The following PCDHA4 variants were observed in gnomAD, a reference collection of about 807,000 sequenced individuals.
PCDHA4 encodes protocadherin alpha-4.
Under a neutral mutation model 61.4 loss-of-function variants are expected in PCDHA4, and 49 were observed. That is an observed-to-expected ratio of 0.80 (90% CI 0.63 to 1.01). The LOEUF (loss-of-function observed/expected upper bound fraction) is 1.01, where lower values mean the gene tolerates loss of function less well. Ranked by LOEUF, PCDHA4 falls within the 50% of genes least tolerant of loss-of-function variation. The pLI is 0.00. For missense variants in PCDHA4, 1,254 were observed against 1,235.8 expected, an observed-to-expected ratio of 1.01 and a Z score of -0.22; for synonymous variants, 590 against 550.3, an observed-to-expected ratio of 1.07 and a Z score of -1.01.
chr5:140,807,684 C>A lies in PCDHA4; in HGVS notation c.497C>A (p.Ala166Asp), dbSNP rs782583674. The A allele has an allele frequency of 1.9e-6, 3 of 1,614,118 alleles. No homozygotes were observed. The highest frequency in any genetic ancestry group is 2.5e-6 in the Non-Finnish European group (3 of 1,180,050). The change falls in exon 1 of 4, where the codon GCC (alanine) becomes GAC (aspartate). Residue 166 changes from alanine to aspartate, a missense_variant. Physicochemically the swap from Ala to Asp is moderately radical, Grantham distance 126. Transcript: ENST00000530339. ...TCGGATGCAGATATCGGGGAGAACG[C>A]CCTGCTCACTTACAGACTGAGCCCA... ...GASDADIGEN[A>D]LLTYRLSPNE...
At chr5:140,950,746 T>C (rs2094515579) in intron 1 of PCDHA4, among the ~76,000 whole-genome samples, 1 of 152,138 alleles carries the variant, frequency 6.6e-6, no homozygotes, top group Non-Finnish European at 1.5e-5. Context: ...AATTTCTCTC[T>C]ATCCTTTCTG....
At chr5:140,876,251 G>T in intron 1 of PCDHA4, 1 of 1,614,008 alleles carries the variant, frequency 6.2e-7, no homozygotes, top group South Asian at 1.1e-5. Context: ...AACGACACAA[G>T]AGTGATCCAA....
At chr5:141,001,220 G>T (rs1554258038) in intron 3 of PCDHA4, among the ~76,000 whole-genome samples, 1 of 152,116 alleles carries the variant, frequency 6.6e-6, no homozygotes, top group African/African-American at 2.4e-5. Flanking sequence ...TATAAGGATA[G>T]TTACATTTAA....
At chr5:140,855,766 C>T in intron 1 of PCDHA4, 2 of 379,872 alleles carry the variant, frequency 5.3e-6, no homozygotes, top group South Asian at 9.3e-5. Flanking sequence ...AGTCCATAGA[C>T]ATAAAAATAC....
At chr5:140,823,574 C>A in intron 1 of PCDHA4, 1 of 1,613,944 alleles carries the variant, frequency 6.2e-7, no homozygotes, top group South Asian at 1.1e-5. Flanking sequence ...GACCCTGATT[C>A]GGGCTACAAC....
chr5:140,915,960 G>A (rs1554197207), intron 1 of PCDHA4, among the ~76,000 whole-genome samples: 1 of 152,112 alleles, frequency 6.6e-6, no homozygotes, highest in Admixed American at 6.5e-5. Flanking sequence ...TTAGAAATTT[G>A]CCTGATATTT....
intron 1 of PCDHA4, chr5:140,877,670 C>A: frequency 6.2e-7 from 1 of 1,613,654 alleles, no homozygotes; most frequent in Non-Finnish European, 8.5e-7. Flanking sequence ...AGCCGGTGCG[C>A]GCCGGGCAAG....
At chr5:140,984,631 T>C (rs1400847452) in intron 3 of PCDHA4, among the ~76,000 whole-genome samples, 1 of 152,192 alleles carries the variant, frequency 6.6e-6, no homozygotes, top group Non-Finnish European at 1.5e-5. Flanking sequence ...TTAAAGGGAT[T>C]CTCTGCCTTC....
chr5:140,808,935 G>A lies in PCDHA4; in HGVS notation c.1748G>A (p.Trp583Ter). ...GGCGCAGTGAGCGAGCTGGTGCCATGGTCGGTGGGTGTGGGCCACGTGGTG... is the reference window on the plus strand; with the variant it reads ...GGCGCAGTGAGCGAGCTGGTGCCATAGTCGGTGGGTGTGGGCCACGTGGTG... ...TGGAVSELVP[W>*]SVGVGHVVAK... The change falls in exon 1 of 4, where the codon TGG (tryptophan) becomes TAG (stop). Residue 583 changes from tryptophan to a stop codon, truncating the protein, a stop_gained. Transcript: ENST00000530339. LOFTEE classifies it high-confidence loss of function. 6.2e-7 allele frequency: 1 copy of A among 1,613,714 alleles called. No homozygotes were observed. The highest frequency in any genetic ancestry group is 8.5e-7 in the Non-Finnish European group (1 of 1,179,826).
intron 1 of PCDHA4, chr5:140,968,932 A>C: frequency 6.2e-7 from 1 of 1,614,164 alleles, no homozygotes; most frequent in Non-Finnish European, 8.5e-7. Context: ...TTCTTTTGAC[A>C]ATCATCATTT....
rs782047510 is a variant in PCDHA4 at position 140,809,392 on chromosome 5, C to A, written c.2205C>A (p.Gly735=). 1 of 1,614,100 alleles carries A rather than the reference C, an allele frequency of 6.2e-7. No homozygotes were observed. The highest frequency in any genetic ancestry group is 1.7e-5 in the Admixed American group (1 of 60,020). ...CCACCGAGGGCGCGTGCGCTCCGGG[C>A]AAGCCCACGCTGGTGTGCTCCAGTG... The part of the protein sequence containing the change: ...ALPTEGACAP[G]KPTLVCSSAV... The change falls in exon 1 of 4, where the codon GGC becomes GGA. Residue 735 remains glycine (G), a synonymous_variant. Transcript: ENST00000530339.
In PCDHA4 at chr5:140,808,694, G is replaced by A; in HGVS notation, c.1507G>A (p.Ala503Thr). 1 of 1,612,206 alleles carries A rather than the reference G, an allele frequency of 6.2e-7. No individual in the cohort carries two copies. Among genetic ancestry groups the A allele is most frequent in the Non-Finnish European group, 8.5e-7 (1 of 1,179,812 alleles). The change falls in exon 1 of 4, where the codon GCG (alanine) becomes ACG (threonine). Residue 503 changes from alanine (A) to threonine (T), a missense_variant. Transcript: ENST00000530339. ...SLVERRVGERALSSYVSVHAE... is the reference protein window; with the variant it reads ...SLVERRVGERTLSSYVSVHAE... ...GGTAGAGCGGCGGGTAGGGGAGCGCGCGCTGTCGAGCTACGTTTCGGTGCA... is the reference window on the plus strand; with the variant it reads ...GGTAGAGCGGCGGGTAGGGGAGCGCACGCTGTCGAGCTACGTTTCGGTGCA...
intron 1 of PCDHA4, chr5:140,868,480 T>G (rs1562616906): frequency 6.6e-6 from 1 of 152,316 alleles, no homozygotes. Flanking sequence ...AAACTTCAAT[T>G]TTTTCTTTGA....
intron 1 of PCDHA4, chr5:140,829,595 C>A (rs147522996): frequency 2.5e-6 from 4 of 1,611,770 alleles, no homozygotes; most frequent in Non-Finnish European, 3.4e-6. Context: ...GGTGGGCGAG[C>A]GCGCGTTGTC....
In PCDHA4 at chr5:140,845,401, T is replaced by C. The variant is rs1326186010; in HGVS notation, c.2385+35829T>C. On this transcript the variant is annotated intron_variant, in intron 1 of 3. Transcript: ENST00000530339. Reference sequence around the variant, plus strand: ...GGAGGATTCTTTCCACCACCTAGCATTGTATTTGGCAATTTATCATTTAAG... The same window carrying C: ...GGAGGATTCTTTCCACCACCTAGCACTGTATTTGGCAATTTATCATTTAAG... Among the ~76,000 whole-genome samples, 3 of 149,536 alleles carry C rather than the reference T, an allele frequency of 2.0e-5. 1 individual carries two copies. The highest frequency in any genetic ancestry group is 1.5e-5 in the Non-Finnish European group (1 of 66,828).
At chr5:140,965,670 G>A (rs2095922284) in intron 1 of PCDHA4, among the ~76,000 whole-genome samples, 1 of 152,144 alleles carries the variant, frequency 6.6e-6, no homozygotes, top group Non-Finnish European at 1.5e-5. Flanking sequence ...GGTGATAAAT[G>A]TAAAAGATTT....
intron 1 of PCDHA4, chr5:140,830,815 C>T (rs1341950748): frequency 6.4e-6 from 1 of 156,708 alleles, no homozygotes. Context: ...CATTTGTTTG[C>T]CTTTGAGCTT....
In PCDHA4 at chr5:140,957,392, T is replaced by A. The variant is rs1035836709; in HGVS notation, c.2386-21557T>A. Among the ~76,000 whole-genome samples the A allele has an allele frequency of 2.6e-5, 4 of 152,222 alleles. No individual in the cohort carries two copies. In the East Asian group the frequency reaches 5.8e-4, roughly 22 times the overall value. ...TTATTATAGTGTATTGTTATAATTG[T>A]CCTAATTTATTATTATTGTTGTTAA... is the stretch of plus-strand genomic sequence containing the variant. On this transcript the variant is annotated intron_variant, in intron 1 of 3. Coordinates refer to ENST00000530339, the MANE Select transcript of PCDHA4 (RefSeq NM_018907.4).
At chr5:141,001,384 A>G (rs1554258149) in intron 3 of PCDHA4, among the ~76,000 whole-genome samples, 1 of 152,204 alleles carries the variant, frequency 6.6e-6, no homozygotes, top group African/African-American at 2.4e-5. Context: ...AGAGCCTAAG[A>G]TCCTACAGAG....
Sources: allele counts gnomAD v4.1 joint callset (sites outside exome capture counted in the v4.1 genomes callset), GRCh38; gene constraint gnomAD v4.1.1; transcripts MANE v1.5; gene names NCBI Gene and HGNC (gene_info 2026-07-23, HGNC 2026-07-21).